The following ART3 variants were observed in gnomAD, a reference collection of about 807,000 sequenced individuals.
The protein encoded by ART3 is ADP-ribosyltransferase 3 (inactive).
Under a neutral mutation model 48.5 loss-of-function variants are expected in ART3, and 49 were observed. That is an observed-to-expected ratio of 1.01 (90% CI 0.80 to 1.28). The LOEUF (loss-of-function observed/expected upper bound fraction) is 1.28, where lower values mean the gene tolerates loss of function less well. ART3 is among the 50% of genes most tolerant of loss of function. ART3 has a pLI of 0.00. For synonymous variants in ART3, 145 were observed against 157.2 expected, an observed-to-expected ratio of 0.92 and a Z score of 0.58; for missense variants, 438 against 454.3, an observed-to-expected ratio of 0.96 and a Z score of 0.33.
At chr4:76,012,691 A>T (rs1334292479) in intron 1 of ART3, among the ~76,000 whole-genome samples, 1 of 152,234 alleles carries the variant, frequency 6.6e-6, no homozygotes, top group Non-Finnish European at 1.5e-5. Flanking sequence ...CATGATGTAA[A>T]GGACAACTTT....
intron 2 of ART3, 57 bp from the exon 3 acceptor site, chr4:76,081,767 A>C: frequency 6.5e-7 from 1 of 1,527,000 alleles, no homozygotes; most frequent in Non-Finnish European, 8.9e-7. Flanking sequence ...ATGTGAGAGA[A>C]AATGATATTC....
chr4:76,097,822 C>T (rs1244808872), intron 4 of ART3, 146 bp downstream of exon 4: 2 of 670,282 alleles, frequency 3.0e-6, no homozygotes, highest in African/African-American at 3.6e-5. Context: ...ACTGCTAGTA[C>T]CTTTTCAGGT....
At chr4:76,062,298 T>A (rs567557696) in intron 1 of ART3, among the ~76,000 whole-genome samples, 2 of 152,240 alleles carry the variant, frequency 1.3e-5, no homozygotes, top group South Asian at 4.1e-4. Context: ...ATTTGACTTA[T>A]GTTCTAATGA....
chr4:76,100,629 CAA>C (rs71659303), intron 6 of ART3, among the ~76,000 whole-genome samples, 164 bp from the exon 7 acceptor site: 28 of 87,992 alleles, frequency 3.2e-4, no homozygotes, highest in African/African-American at 5.1e-4. Context: ...GGCTCCGTCT[CAA>C]AAAAAAAAAA....
At chr4:76,107,446 A>C (rs774424148) in intron 10 of ART3, 17 of 188,058 alleles carry the variant, frequency 9.0e-5, no homozygotes, top group Non-Finnish European at 5.4e-5. Flanking sequence ...AATGCATGGC[A>C]CATAGTGAAC....
chr4:76,050,739 A>G (rs954279835), intron 1 of ART3, among the ~76,000 whole-genome samples: 3 of 152,164 alleles, frequency 2.0e-5, no homozygotes, highest in Non-Finnish European at 4.4e-5. Context: ...CGGGCCACAC[A>G]GGAGCCCATG....
At chr4:76,019,096 G>A (rs180842051) in intron 1 of ART3, among the ~76,000 whole-genome samples, 4 of 149,002 alleles carry the variant, frequency 2.7e-5, no homozygotes, top group South Asian at 2.2e-4. Flanking sequence ...ATCCAATGAA[G>A]TCATGGGAAT....
At chr4:76,023,873 A>T (rs917586120) in intron 1 of ART3, among the ~76,000 whole-genome samples, 2 of 152,144 alleles carry the variant, frequency 1.3e-5, no homozygotes, top group African/African-American at 4.8e-5. Flanking sequence ...AGTAATAGAA[A>T]TTTTTCATCC....
intron 1 of ART3, among the ~76,000 whole-genome samples, chr4:76,032,986 T>A (rs946548168): frequency 1.3e-5 from 2 of 151,958 alleles, no homozygotes; most frequent in Non-Finnish European, 2.9e-5. Context: ...AAATCTATAT[T>A]GTATCTATAA....
intron 1 of ART3, chr4:76,022,880 G>A (rs1045866546): frequency 3.2e-6 from 5 of 1,544,048 alleles, no homozygotes; most frequent in Non-Finnish European, 4.4e-6. Flanking sequence ...ATTTAATGTA[G>A]ACTGGTGGTA....
intron 1 of ART3, among the ~76,000 whole-genome samples, chr4:76,051,660 C>T (rs957850387): frequency 6.6e-6 from 1 of 151,932 alleles, no homozygotes; most frequent in Non-Finnish European, 1.5e-5. Context: ...CCACCTCAGC[C>T]TCCTGAGTAG....
intron 8 of ART3, among the ~76,000 whole-genome samples, chr4:76,101,718 C>CTCTA (rs532223645): frequency 6.9e-4 from 105 of 152,170 alleles, no homozygotes; most frequent in African/African-American, 2.5e-3. Context: ...CGCCACTGCA[C>CTCTA]TCTAGCCTGG....
At chr4:76,047,101 A>G (rs1324553971) in intron 1 of ART3, among the ~76,000 whole-genome samples, 1 of 151,970 alleles carries the variant, frequency 6.6e-6, no homozygotes, top group African/African-American at 2.4e-5. Context: ...CCTTCCAGTG[A>G]TTGCCTCAGC....
intron 6 of ART3, 126 bp from the exon 7 acceptor site, chr4:76,100,669 C>A: frequency 2.7e-6 from 3 of 1,109,592 alleles, no homozygotes; most frequent in Non-Finnish European, 3.9e-6. Context: ...TTGCATTTTG[C>A]AAGATACCTC....
At chr4:76,062,707 C>T (rs6532166) in intron 1 of ART3, among the ~76,000 whole-genome samples, 88,760 of 151,382 alleles carry the variant, frequency 0.59, 26,868 homozygotes, top group East Asian at 0.94. Flanking sequence ...ACTACAGGTG[C>T]CTGCCACCAT....
chr4:76,071,807 C>A (rs1022542780), upstream of ART3, among the ~76,000 whole-genome samples: 1 of 152,224 alleles, frequency 6.6e-6, no homozygotes, highest in Non-Finnish European at 1.5e-5. Context: ...AATCTTGGAA[C>A]TATTCTTTAC....
intron 1 of ART3, among the ~76,000 whole-genome samples, chr4:76,055,651 T>C (rs914036888): frequency 1.3e-5 from 2 of 152,180 alleles, no homozygotes; most frequent in East Asian, 1.9e-4. Flanking sequence ...AGCAGAAGAC[T>C]AAATGTGGAA....
At chr4:76,031,972 A>G (rs1225288866) in intron 1 of ART3, among the ~76,000 whole-genome samples, 3 of 152,226 alleles carry the variant, frequency 2.0e-5, no homozygotes, top group African/African-American at 7.2e-5. Context: ...AAGTCATTTA[A>G]GCTGAGACCT....
chr4:76,022,328 C>A, intron 1 of ART3: 1 of 1,550,938 alleles, frequency 6.4e-7, no homozygotes, highest in Non-Finnish European at 8.9e-7. Flanking sequence ...TTGCCGTTTC[C>A]TAAAGAGCAA....
Sources: gnomAD v4.1 joint callset for allele counts (sites outside exome capture counted in the v4.1 genomes callset) on GRCh38, gnomAD v4.1.1 for gene constraint, MANE v1.5 for transcripts, NCBI Gene and HGNC (gene_info 2026-07-23, HGNC 2026-07-21) for gene names.